SIPA1L1: variants seen among roughly 807,000 people sequenced by gnomAD.
SIPA1L1 encodes the protein signal induced proliferation associated 1 like 1.
SIPA1L1 carries 26 observed loss-of-function variants against 162.7 expected under a neutral mutation model. The ratio of observed to expected loss-of-function variants is 0.16; its 90% CI spans 0.12 to 0.22. The LOEUF (loss-of-function observed/expected upper bound fraction) is 0.22, where lower values mean the gene tolerates loss of function less well. Ranked by LOEUF, SIPA1L1 falls within the 10% of genes least tolerant of loss-of-function variation. SIPA1L1 has a pLI of 1.00. For missense variants in SIPA1L1, 1,874 were observed against 2,241.0 expected, an observed-to-expected ratio of 0.84 and a Z score of 3.31; for synonymous variants, 829 against 837.4, an observed-to-expected ratio of 0.99 and a Z score of 0.17.
intron 2 of SIPA1L1, among the ~76,000 whole-genome samples, chr14:71,466,232 G>A (rs930988768): frequency 1.3e-5 from 2 of 152,156 alleles, no homozygotes; most frequent in African/African-American, 4.8e-5. Flanking sequence ...CTTTGTTACT[G>A]GACTGCCATC....
chr14:71,416,851 A>C (rs1426396707), intron 2 of SIPA1L1, among the ~76,000 whole-genome samples: 1 of 152,124 alleles, frequency 6.6e-6, no homozygotes, highest in Admixed American at 6.5e-5. Flanking sequence ...GCATTATTCT[A>C]GAATATAAAT....
At chr14:71,450,858 A>G (rs569093944) in intron 2 of SIPA1L1, among the ~76,000 whole-genome samples, 1 of 152,234 alleles carries the variant, frequency 6.6e-6, no homozygotes, top group East Asian at 1.9e-4. Context: ...TCCTTAAATT[A>G]TTAAAAATAG....
intron 12 of SIPA1L1, among the ~76,000 whole-genome samples, chr14:71,676,247 G>A (rs544712230): frequency 2.6e-5 from 4 of 151,444 alleles, no homozygotes; most frequent in African/African-American, 4.8e-5. Context: ...AGCTGAGATC[G>A]TGCCATTGCA....
At chr14:71,436,760 ATTTTTT>A (rs1231560483) in intron 2 of SIPA1L1, among the ~76,000 whole-genome samples, 2 of 130,984 alleles carry the variant, frequency 1.5e-5, no homozygotes, top group African/African-American at 2.8e-5. Context: ...TACCTTCTGA[ATTTTTT>A]TTTTTTTTTT....
rs952681592 is a variant in SIPA1L1 at position 71,377,344 on chromosome 14, C to T, written c.-465+56163C>T. Among the ~76,000 whole-genome samples, 4 of 150,774 alleles carry T rather than the reference C, an allele frequency of 2.7e-5. No individual in the cohort carries two copies. Among genetic ancestry groups the T allele is most frequent in the Admixed American group, 6.6e-5 (1 of 15,158 alleles). On this transcript the variant is annotated intron_variant, in intron 2 of 23. Transcript: ENST00000381232. The surrounding 1 kb of genome is among the most constrained non-coding windows in gnomAD (Gnocchi z 4.8). Reference sequence around the variant, plus strand: ...GGGCTCCTCAACTTCTCAGACGGGGCGGCCGGGCGGAGGCACTCCTCAGTT... The same window carrying T: ...GGGCTCCTCAACTTCTCAGACGGGGTGGCCGGGCGGAGGCACTCCTCAGTT...
In SIPA1L1 at chr14:71,740,314, A is replaced by G. The variant is rs1352682970; in HGVS notation, c.*1153A>G. 1.3e-5 allele frequency: 2 copies of G among 152,174 alleles called. No homozygotes were observed. The highest frequency in any genetic ancestry group is 3.8e-4 in the East Asian group (2 of 5,202). The allele number at this position is 152,174 out of a possible 1,614,324, so 9.4% of individuals were successfully genotyped here. A position where few individuals can be genotyped will look rare whatever the true frequency, so the allele number is the denominator to read the frequency against. On this transcript the variant is annotated 3_prime_UTR_variant, in exon 24 of 24. Coordinates refer to ENST00000381232, the MANE Select transcript of SIPA1L1 (RefSeq NM_001386936.1). ...TTTCTGCATCCTTTCATGGCCATCCAAAGGATTCCGCTGCAGAAATTATTG... is the reference window on the plus strand; with the variant it reads ...TTTCTGCATCCTTTCATGGCCATCCGAAGGATTCCGCTGCAGAAATTATTG...
chr14:71,329,311 T>C (rs1350806469), intron 2 of SIPA1L1, among the ~76,000 whole-genome samples: 3 of 152,196 alleles, frequency 2.0e-5, no homozygotes, highest in Admixed American at 6.5e-5. Flanking sequence ...TTATTTTTAA[T>C]TTTTTGAGGA....
chr14:71,726,601 T>A (rs1472283998), intron 19 of SIPA1L1, among the ~76,000 whole-genome samples: 1 of 152,220 alleles, frequency 6.6e-6, no homozygotes, highest in Non-Finnish European at 1.5e-5. Flanking sequence ...ACTTTAGCAT[T>A]CCTATTTGAA....
At chr14:71,488,396 A>G (rs1430256647) in intron 2 of SIPA1L1, among the ~76,000 whole-genome samples, 1 of 152,142 alleles carries the variant, frequency 6.6e-6, no homozygotes, top group Non-Finnish European at 1.5e-5. Flanking sequence ...CCTGGAAGTG[A>G]TTTTTCAAAT....
chr14:71,735,167 T>C, intron 21 of SIPA1L1, 110 bp from the exon 22 acceptor site: 1 of 724,480 alleles, frequency 1.4e-6, no homozygotes. Flanking sequence ...CAGTGCATCC[T>C]GCACTGGAAA....
At chr14:71,658,235 ATT>A in intron 8 of SIPA1L1, 96 bp from the exon 9 acceptor site, 1 of 692,934 alleles carries the variant, frequency 1.4e-6, no homozygotes, top group East Asian at 2.7e-5. Context: ...ATCCTAAATC[ATT>A]TTCTTTTCTT....
At chr14:71,441,114 G>T (rs1311763426) in intron 2 of SIPA1L1, among the ~76,000 whole-genome samples, 1 of 152,188 alleles carries the variant, frequency 6.6e-6, no homozygotes, top group African/African-American at 2.4e-5. Context: ...TAAATTTTCA[G>T]CATCTTGTTA....
intron 14 of SIPA1L1, 142 bp from the exon 15 acceptor site, chr14:71,702,239 C>T: frequency 8.9e-6 from 7 of 782,450 alleles, no homozygotes; most frequent in Non-Finnish European, 1.5e-5. Context: ...AAACACGAAC[C>T]AGGGTGTGTA....
chr14:71,450,023 TC>T (rs1196739521), intron 2 of SIPA1L1, among the ~76,000 whole-genome samples: 1 of 152,188 alleles, frequency 6.6e-6, no homozygotes, highest in African/African-American at 2.4e-5. Flanking sequence ...TGATATATGT[TC>T]ATTTTAACAA....
chr14:71,498,692 G>C (rs1007280225), intron 2 of SIPA1L1, among the ~76,000 whole-genome samples: 2 of 152,160 alleles, frequency 1.3e-5, no homozygotes, highest in Non-Finnish European at 2.9e-5. Context: ...GAACAATCTT[G>C]AGTTTGGGTA....
chr14:71,404,893 T>C (rs918042116), intron 2 of SIPA1L1, among the ~76,000 whole-genome samples: 1 of 152,244 alleles, frequency 6.6e-6, no homozygotes, highest in African/African-American at 2.4e-5. Context: ...AGTGTCATGC[T>C]GCTTTCCCAT....
At chr14:71,678,499 T>A (rs1490460903) in intron 12 of SIPA1L1, among the ~76,000 whole-genome samples, 2 of 152,312 alleles carry the variant, frequency 1.3e-5, no homozygotes, top group East Asian at 3.9e-4. Flanking sequence ...GCCCACTTGA[T>A]CATGGTGGAT....
At chr14:71,394,937 A>T (rs1227780809) in intron 2 of SIPA1L1, among the ~76,000 whole-genome samples, 1 of 152,230 alleles carries the variant, frequency 6.6e-6, no homozygotes, top group Non-Finnish European at 1.5e-5. Context: ...ATTAATGGAT[A>T]AAAAATTTGG....
intron 12 of SIPA1L1, among the ~76,000 whole-genome samples, chr14:71,682,196 A>G (rs1006265349): frequency 1.3e-5 from 2 of 152,200 alleles, no homozygotes; most frequent in Admixed American, 6.5e-5. Flanking sequence ...CATCCACTTC[A>G]TAGAGTTGCT....
Sources: allele counts gnomAD v4.1 joint callset (sites outside exome capture counted in the v4.1 genomes callset), GRCh38; gene constraint gnomAD v4.1.1; non-coding constraint Gnocchi (gnomAD v3.1); transcripts MANE v1.5; gene names NCBI Gene and HGNC (gene_info 2026-07-23, HGNC 2026-07-21).